Variants in MTUS1 observed in about 807,000 individuals in gnomAD.
The protein encoded by MTUS1 is microtubule associated scaffold protein 1.
MTUS1 carries 109 observed loss-of-function variants against 120.8 expected under a neutral mutation model. The ratio of observed to expected loss-of-function variants is 0.90; its 90% CI spans 0.77 to 1.06. The LOEUF (loss-of-function observed/expected upper bound fraction) is 1.06, where lower values mean the gene tolerates loss of function less well. MTUS1 is among the 50% of genes least tolerant of loss of function. The probability of loss-of-function intolerance (pLI) is 0.00; values close to 1 mark genes in which losing one functional copy is unlikely to be tolerated. For missense variants in MTUS1, 2,210 were observed against 1,486.3 expected (o/e 1.49, Z -8.01); for synonymous variants, 737 against 550.5 (o/e 1.34, Z -4.74).
At chr8:17,783,001 C>T (rs1163835497) in intron 1 of MTUS1, among the ~76,000 whole-genome samples, 1 of 152,168 alleles carries the variant, frequency 6.6e-6, no homozygotes, top group African/African-American at 2.4e-5. Context: ...TCGCTTAAAC[C>T]TGGGAGGCGG....
At chr8:17,679,350 C>A (rs28525165) in intron 7 of MTUS1, among the ~76,000 whole-genome samples, 2 of 33,968 alleles carry the variant, frequency 5.9e-5, no homozygotes, top group Admixed American at 3.0e-4. Flanking sequence ...TGCATGTGTG[C>A]GCGCGCGTGT....
At chr8:17,716,744 C>T (rs947442067) in intron 4 of MTUS1, among the ~76,000 whole-genome samples, 1 of 152,068 alleles carries the variant, frequency 6.6e-6, no homozygotes, top group African/African-American at 2.4e-5. Context: ...TTAGTGGAGA[C>T]GGGGTTTCAC....
chr8:17,759,172 T>C (rs1359642524), intron 1 of MTUS1, among the ~76,000 whole-genome samples: 3 of 152,150 alleles, frequency 2.0e-5, no homozygotes, highest in Non-Finnish European at 4.4e-5. Context: ...TGAGCCACCA[T>C]GCCCGGCCCC....
chr8:17,655,793 T>C, intron 9 of MTUS1, 70 bp downstream of exon 9: 1 of 1,316,678 alleles, frequency 7.6e-7, no homozygotes, highest in South Asian at 1.2e-5. Context: ...CTCATCAAGA[T>C]GTGAAGAGCA....
In MTUS1 at chr8:17,660,207, T is replaced by C. The variant is rs376845940; in HGVS notation, c.2906-4142A>G. ...GGCCAACATGGTGAAACCCCATCTC[T>C]AGTAAAAATACAAAAATTAGCGGGG... On this transcript the variant is annotated intron_variant, in intron 8 of 14. Transcript: ENST00000693296. Among the ~76,000 whole-genome samples, 25 of 152,248 alleles carry C rather than the reference T, an allele frequency of 1.6e-4. 2 individuals are homozygous for C. In the South Asian group the frequency reaches 5.2e-3, roughly 32 times the overall value.
intron 6 of MTUS1, among the ~76,000 whole-genome samples, chr8:17,708,181 T>A (rs149711865): frequency 7.2e-4 from 109 of 152,258 alleles, no homozygotes; most frequent in Non-Finnish European, 1.2e-3. Context: ...CACCCAAGAA[T>A]TGGGAGAAAA....
chr8:17,697,186 C>T (rs1194814782), intron 6 of MTUS1: 3 of 1,499,732 alleles, frequency 2.0e-6, no homozygotes, highest in Non-Finnish European at 2.7e-6. Flanking sequence ...GGAAAAACCT[C>T]TGATAAACAT....
chr8:17,756,109 C>G (rs186323523), intron 1 of MTUS1, 148 bp from the exon 2 acceptor site: 1 of 291,496 alleles, frequency 3.4e-6, no homozygotes, highest in African/African-American at 2.2e-5. Context: ...GAGATATAAT[C>G]AGGCAATCTA....
chr8:17,772,891 G>T (rs894165999), intron 1 of MTUS1, among the ~76,000 whole-genome samples: 2 of 152,122 alleles, frequency 1.3e-5, no homozygotes, highest in African/African-American at 4.8e-5. Context: ...TACTGGCATG[G>T]AAAAGACTTG....
At chr8:17,745,592 A>G (rs971744418) in intron 2 of MTUS1, among the ~76,000 whole-genome samples, 10 of 152,176 alleles carry the variant, frequency 6.6e-5, no homozygotes, top group African/African-American at 2.4e-4. Flanking sequence ...TCTTTAATTC[A>G]CCATATTCTG....
intron 1 of MTUS1, among the ~76,000 whole-genome samples, chr8:17,785,740 G>C (rs2051250048): frequency 6.6e-6 from 1 of 152,130 alleles, no homozygotes; most frequent in Admixed American, 6.5e-5. Flanking sequence ...CTCTGATCTA[G>C]ATGACAAAGG....
intron 1 of MTUS1, among the ~76,000 whole-genome samples, chr8:17,760,252 TGG>T (rs2048938049): frequency 6.6e-6 from 1 of 151,918 alleles, no homozygotes; most frequent in Non-Finnish European, 1.5e-5. Flanking sequence ...AATTTCAAAT[TGG>T]TGAGCAAAGA....
intron 8 of MTUS1, among the ~76,000 whole-genome samples, chr8:17,659,938 C>A (rs1809312872): frequency 6.6e-6 from 1 of 152,152 alleles, no homozygotes; most frequent in Non-Finnish European, 1.5e-5. Context: ...CTCTATGAAT[C>A]TGACCATTCA....
intron 2 of MTUS1, among the ~76,000 whole-genome samples, chr8:17,751,176 G>C (rs926307327): frequency 2.6e-5 from 4 of 152,322 alleles, no homozygotes; most frequent in African/African-American, 9.6e-5. Flanking sequence ...AAATTAGCCA[G>C]GCATGTGCAC....
At chr8:17,798,506 G>C (rs1313888862) in intron 1 of MTUS1, among the ~76,000 whole-genome samples, 1 of 151,938 alleles carries the variant, frequency 6.6e-6, no homozygotes, top group Non-Finnish European at 1.5e-5. Context: ...CTAATTTTTT[G>C]TATCTTTAGT....
chr8:17,759,635 T>A (rs961217590), intron 1 of MTUS1, among the ~76,000 whole-genome samples: 15 of 138,108 alleles, frequency 1.1e-4, no homozygotes, highest in African/African-American at 3.8e-4. Flanking sequence ...TTTTTATATA[T>A]TTATATATAA....
At chr8:17,652,117 A>C (rs1332045510) in intron 12 of MTUS1, among the ~76,000 whole-genome samples, 1 of 152,214 alleles carries the variant, frequency 6.6e-6, no homozygotes, top group African/African-American at 2.4e-5. Context: ...GCAGTCTCAG[A>C]GTATAAACAT....
chr8:17,726,325 C>G (rs1396229765), intron 3 of MTUS1, among the ~76,000 whole-genome samples: 1 of 152,122 alleles, frequency 6.6e-6, no homozygotes, highest in Non-Finnish European at 1.5e-5. Flanking sequence ...CTCTGAATGC[C>G]GTGGACTAAG....
In MTUS1 at chr8:17,649,870, G is replaced by T. The variant is rs775850208; in HGVS notation, c.3477C>A (p.Ile1159=). Residue 1159 remains isoleucine (I), a synonymous_variant, in exon 13 of 15, where the codon ATC becomes ATA. Coordinates refer to ENST00000693296, the MANE Select transcript of MTUS1 (RefSeq NM_001363059.2). ...CCAGTTTCTCCATTTTCATTAACTTGATGTCCTGTTGATGCAGTTTCTCAT... is the reference window on the plus strand; with the variant it reads ...CCAGTTTCTCCATTTTCATTAACTTTATGTCCTGTTGATGCAGTTTCTCAT... The part of the protein sequence containing the change: ...IKNEKLHQQD[I]KLMKMEKLVD... 10 of 1,595,638 alleles carry T rather than the reference G, an allele frequency of 6.3e-6. No homozygotes were observed. Among genetic ancestry groups the T allele is most frequent in the Non-Finnish European group, 8.6e-6 (10 of 1,163,536 alleles).
Sources: allele counts gnomAD v4.1 joint callset (sites outside exome capture counted in the v4.1 genomes callset), GRCh38; gene constraint gnomAD v4.1.1; transcripts MANE v1.5; gene names NCBI Gene and HGNC (gene_info 2026-07-23, HGNC 2026-07-21).